Variants in MBTD1 observed in about 807,000 individuals in gnomAD.
MBTD1 encodes the protein MBT domain-containing protein 1.
Under a neutral mutation model 87.8 loss-of-function variants are expected in MBTD1, and 24 were observed. The observed-to-expected ratio is 0.27, with a 90% CI of 0.20 to 0.38. MBTD1 has a LOEUF of 0.38. Ranked by LOEUF, MBTD1 falls within the 10% of genes least tolerant of loss-of-function variation. The pLI, the probability that MBTD1 is intolerant of heterozygous loss-of-function variation, is 1.00. For missense variants in MBTD1, 436 were observed against 760.2 expected (o/e 0.57, Z 5.02); for synonymous variants, 237 against 248.6 (o/e 0.95, Z 0.44).
chr17:51,211,379 T>C (rs1029749537), intron 6 of MBTD1, among the ~76,000 whole-genome samples: 1 of 151,646 alleles, frequency 6.6e-6, no homozygotes, highest in Admixed American at 6.6e-5. Flanking sequence ...TGGTGGTGTG[T>C]GCCTGTAGTC....
chr17:51,260,532 G>T, upstream of MBTD1: 1 of 1,552,840 alleles, frequency 6.4e-7, no homozygotes, highest in Admixed American at 2.0e-5. Flanking sequence ...GGGCCTGGGC[G>T]CATGCGCAGC....
intron 12 of MBTD1, among the ~76,000 whole-genome samples, chr17:51,196,642 A>C (rs1248684518): frequency 2.0e-5 from 3 of 151,612 alleles, no homozygotes; most frequent in African/African-American, 7.3e-5. Flanking sequence ...CTGTAATCTC[A>C]GCACTTTGGG....
rs116714384 is a variant in MBTD1 at position 51,255,539 on chromosome 17, C to A, written c.-49+3604G>T. On this transcript the variant is annotated intron_variant, in intron 2 of 16. Transcript: ENST00000586178. ...ACTTCTCTGGTGTATAAAATAATCT[C>A]TAGCAAATTTTAAAGCTTAGAAGTC... Among the ~76,000 whole-genome samples, 1,440 of 151,826 alleles carry A rather than the reference C, an allele frequency of 9.5e-3. 20 individuals carry two copies. Among genetic ancestry groups the A allele is most frequent in the African/African-American group, 0.026 (1,082 of 41,404 alleles).
intron 16 of MBTD1, among the ~76,000 whole-genome samples, chr17:51,190,773 C>A: frequency 1.3e-5 from 1 of 78,994 alleles, no homozygotes; most frequent in African/African-American, 6.1e-5. Flanking sequence ...ATATATATAA[C>A]CTTATCTAAG....
chr17:51,251,924 C>G (rs1236907076), intron 2 of MBTD1, among the ~76,000 whole-genome samples: 1 of 152,100 alleles, frequency 6.6e-6, no homozygotes, highest in African/African-American at 2.4e-5. Flanking sequence ...GCCACAACAC[C>G]TGGGTAATTT....
Position 51,179,648 on chromosome 17 carries a change from T to A in MBTD1, c.*928A>T, listed in dbSNP as rs765524977. The stretch of plus-strand genomic sequence containing the variant: ...AATCTAAACTTATTTTGGCTTTGAA[T>A]AACTTTCAATTCGATTCTCCTAATA... On this transcript the variant is annotated 3_prime_UTR_variant, in exon 17 of 17. Transcript: ENST00000586178. 1 of 150,842 alleles carries A rather than the reference T, an allele frequency of 6.6e-6. No individual in the cohort carries two copies. Among genetic ancestry groups the A allele is most frequent in the Non-Finnish European group, 1.5e-5 (1 of 67,704 alleles). The allele number at this position is 150,842 out of a possible 1,614,324, so 9.3% of individuals were successfully genotyped here.
chr17:51,189,577 G>A (rs894601493), intron 16 of MBTD1, among the ~76,000 whole-genome samples: 27 of 152,216 alleles, frequency 1.8e-4, no homozygotes, highest in African/African-American at 4.8e-4. Flanking sequence ...AATCCTACAA[G>A]AGTCACGCTG....
rs1568136027 is a variant in MBTD1 at position 51,179,510 on chromosome 17, A to ATATATATATTTT, written c.*1065_*1066insAAAATATATATA. On this transcript the variant is annotated 3_prime_UTR_variant, in exon 17 of 17. Transcript: ENST00000586178. ...TATATATATATATATATATATATAT[A>ATATATATATTTT]TATATATATATATATATATATATAT... 6 of 95,736 alleles carry ATATATATATTTT rather than the reference A, an allele frequency of 6.3e-5. No homozygotes were observed. The highest frequency in any genetic ancestry group is 8.7e-5 in the Non-Finnish European group (4 of 45,760). 5.9% of individuals were successfully genotyped at this position (95,736 alleles called of 1,614,324 possible).
chr17:51,260,054 T>C (rs2055387201), upstream of MBTD1: 2 of 394,846 alleles, frequency 5.1e-6, no homozygotes, highest in Non-Finnish European at 4.4e-6. Context: ...AACATTAGCA[T>C]AGCCCTCCCT....
chr17:51,205,925 A>C (rs942890222), intron 7 of MBTD1, among the ~76,000 whole-genome samples: 2 of 152,202 alleles, frequency 1.3e-5, no homozygotes, highest in African/African-American at 4.8e-5. Flanking sequence ...GAGGAGTTAA[A>C]AATCTGTCAC....
At chr17:51,219,090 C>T in intron 4 of MBTD1, 46 bp from the exon 5 acceptor site, 1 of 958,718 alleles carries the variant, frequency 1.0e-6, no homozygotes, top group Non-Finnish European at 1.7e-6. Context: ...TTCATCCCCT[C>T]ACCACCACAA....
intron 2 of MBTD1, among the ~76,000 whole-genome samples, chr17:51,252,442 G>C (rs992770479): frequency 6.6e-6 from 1 of 151,988 alleles, no homozygotes; most frequent in Non-Finnish European, 1.5e-5. Context: ...AAATAAAACC[G>C]AGGCCAGGTG....
At chr17:51,181,199 G>A (rs767698778) in intron 16 of MBTD1, among the ~76,000 whole-genome samples, 2 of 151,936 alleles carry the variant, frequency 1.3e-5, no homozygotes, top group Non-Finnish European at 2.9e-5. Context: ...GCTAATTTTT[G>A]TATTTTTAGT....
chr17:51,210,575 G>T (rs942715689), intron 6 of MBTD1, among the ~76,000 whole-genome samples: 2 of 151,840 alleles, frequency 1.3e-5, no homozygotes, highest in Non-Finnish European at 2.9e-5. Context: ...GGCCAATATG[G>T]AGAAATCCTG....
chr17:51,206,387 C>A (rs1253453306), intron 7 of MBTD1, among the ~76,000 whole-genome samples: 1 of 152,246 alleles, frequency 6.6e-6, no homozygotes, highest in East Asian at 1.9e-4. Flanking sequence ...GGATTACAGG[C>A]ATGAGTCACT....
At chr17:51,246,775 A>G (rs1001972350) in intron 2 of MBTD1, among the ~76,000 whole-genome samples, 5 of 152,046 alleles carry the variant, frequency 3.3e-5, no homozygotes, top group South Asian at 4.1e-4. Flanking sequence ...AGCTGGGACT[A>G]CAGGCACGTA....
intron 16 of MBTD1, chr17:51,191,782 C>T (rs779499384): frequency 9.4e-5 from 15 of 159,762 alleles, no homozygotes; most frequent in Non-Finnish European, 1.6e-4. Flanking sequence ...AGGGTTTCAC[C>T]GTGTTAGCCA....
At chr17:51,217,500 G>T in intron 5 of MBTD1, 84 bp from the exon 6 acceptor site, 1 of 627,738 alleles carries the variant, frequency 1.6e-6, no homozygotes. Flanking sequence ...TGTGTGAAAG[G>T]ACATAAAATT....
Position 51,177,458 on chromosome 17 carries a change from G to A in MBTD1, c.*3118C>T, listed in dbSNP as rs2050151557. 1 of 152,076 alleles carries A rather than the reference G, an allele frequency of 6.6e-6. No homozygotes were observed. Among genetic ancestry groups the A allele is most frequent in the Non-Finnish European group, 1.5e-5 (1 of 68,014 alleles). The allele number at this position is 152,076 out of a possible 1,614,324, so 9.4% of individuals were successfully genotyped here. A position where few individuals can be genotyped will look rare whatever the true frequency, so the allele number is the denominator to read the frequency against. On this transcript the variant is annotated 3_prime_UTR_variant, in exon 17 of 17. Transcript: ENST00000586178. ...AACATTTTATTTTGTGTAAAAAAGG[G>A]CAAATTTAGTGAATTATTTTCATCT...
Sources: allele counts gnomAD v4.1 joint callset (sites outside exome capture counted in the v4.1 genomes callset), GRCh38; gene constraint gnomAD v4.1.1; transcripts MANE v1.5; gene names NCBI Gene and HGNC (gene_info 2026-07-23, HGNC 2026-07-21).